Variants in NTRK2 observed in about 807,000 individuals in gnomAD.
The protein encoded by NTRK2 is BDNF/NT-3 growth factors receptor.
Under a neutral mutation model 94.5 loss-of-function variants are expected in NTRK2, and 13 were observed. That is an observed-to-expected ratio of 0.14 (90% confidence interval 0.09 to 0.22). The LOEUF (loss-of-function observed/expected upper bound fraction) is 0.22. Among genes scored for constraint, NTRK2 ranks in the 10% least tolerant of loss-of-function variants. The probability of loss-of-function intolerance (pLI) is 1.00; values close to 1 mark genes in which losing one functional copy is unlikely to be tolerated. For synonymous variants in NTRK2, 372 were observed against 407.4 expected, an observed-to-expected ratio of 0.91 and a Z score of 1.05; for missense variants, 639 against 1,071.2, an observed-to-expected ratio of 0.60 and a Z score of 5.63.
intron 14 of NTRK2, chr9:84,873,648 A>G (rs1288805816): frequency 9.5e-7 from 1 of 1,054,502 alleles, no homozygotes; most frequent in African/African-American, 1.7e-5. Context: ...GCATAATTAC[A>G]TTTAAAATGT....
At chr9:84,942,021 G>T (rs1015685285) in intron 15 of NTRK2, among the ~76,000 whole-genome samples, 2 of 152,120 alleles carry the variant, frequency 1.3e-5, no homozygotes, top group African/African-American at 2.4e-5. Flanking sequence ...TGTATATGAG[G>T]TTGTCACTTG....
rs1267997847 is a variant in NTRK2 at position 85,024,570 on chromosome 9, C to T, written c.*3133C>T. 1.3e-5 allele frequency: 3 copies of T among 232,820 alleles called. No individual in the cohort carries two copies. In the East Asian group the frequency reaches 1.8e-4, roughly 14 times the overall value. The allele number at this position is 232,820 out of a possible 1,614,324, so 14.4% of individuals were successfully genotyped here. A position where few individuals can be genotyped will look rare whatever the true frequency, so the allele number is the denominator to read the frequency against. ...CTTCCAGCACCATTGGGACTGAATC[C>T]AAGTACTCTCACTCTGAACTTCGTG... On this transcript the variant is annotated 3_prime_UTR_variant, in exon 19 of 19. Coordinates refer to ENST00000277120, the MANE Select transcript of NTRK2 (RefSeq NM_006180.6).
intron 14 of NTRK2, among the ~76,000 whole-genome samples, chr9:84,870,026 G>T (rs2075769354): frequency 6.8e-6 from 1 of 147,794 alleles, no homozygotes; most frequent in African/African-American, 2.5e-5. Context: ...GACCTGACAT[G>T]TAGATGAATC....
At chr9:85,001,649 T>C (rs1288165929) in intron 17 of NTRK2, among the ~76,000 whole-genome samples, 1 of 152,226 alleles carries the variant, frequency 6.6e-6, no homozygotes, top group Non-Finnish European at 1.5e-5. Context: ...GAACATTCTA[T>C]CAAAAGACCA....
At chr9:84,775,722 A>T (rs1357374297) in intron 12 of NTRK2, among the ~76,000 whole-genome samples, 1 of 152,170 alleles carries the variant, frequency 6.6e-6, no homozygotes, top group Non-Finnish European at 1.5e-5. Context: ...CAGATATAAG[A>T]GTGACAATAT....
At chr9:84,920,310 T>C (rs542462601) in intron 14 of NTRK2, among the ~76,000 whole-genome samples, 4 of 152,212 alleles carry the variant, frequency 2.6e-5, no homozygotes, top group African/African-American at 9.6e-5. Context: ...GGTCCTCACT[T>C]TCTTTGCAGA....
intron 2 of NTRK2, among the ~76,000 whole-genome samples, chr9:84,672,367 G>GGAGCCAAGAGCGGAGAGCAA (rs2131288352): frequency 6.6e-6 from 1 of 152,308 alleles, no homozygotes; most frequent in South Asian, 2.1e-4. Flanking sequence ...AAGGAGAGCA[G>GGAGCCAAGAGCGGAGAGCAA]GAGCCAAGAG....
chr9:84,781,089 T>G (rs1258064713), intron 12 of NTRK2, among the ~76,000 whole-genome samples: 1 of 152,216 alleles, frequency 6.6e-6, no homozygotes, highest in Non-Finnish European at 1.5e-5. Flanking sequence ...TGTTCCATTG[T>G]CTTTTCTTCC....
chr9:84,836,869 C>T (rs946811165), intron 12 of NTRK2, among the ~76,000 whole-genome samples: 6 of 149,958 alleles, frequency 4.0e-5, no homozygotes, highest in African/African-American at 1.5e-4. Flanking sequence ...GCGAGTGTAA[C>T]TTTGGGTTTT....
chr9:84,740,876 C>A (rs969513349), intron 9 of NTRK2, among the ~76,000 whole-genome samples: 8 of 152,230 alleles, frequency 5.3e-5, no homozygotes, highest in African/African-American at 1.9e-4. Flanking sequence ...TGGCTCATTT[C>A]GCTTTACTTT....
At chr9:84,682,140 T>G (rs2059426943) in intron 2 of NTRK2, among the ~76,000 whole-genome samples, 1 of 152,176 alleles carries the variant, frequency 6.6e-6, no homozygotes, top group Admixed American at 6.5e-5. Flanking sequence ...ATCCCCTGGA[T>G]GGACACTCCT....
intron 12 of NTRK2, among the ~76,000 whole-genome samples, chr9:84,755,073 A>G (rs2064965273): frequency 6.6e-6 from 1 of 152,164 alleles, no homozygotes. Flanking sequence ...TCCTGCAAAC[A>G]TTACTTATGG....
chr9:84,924,909 AGTT>A (rs1212197029), intron 14 of NTRK2, among the ~76,000 whole-genome samples: 2 of 152,178 alleles, frequency 1.3e-5, no homozygotes, highest in African/African-American at 4.8e-5. Flanking sequence ...AGAAATGTAA[AGTT>A]GATTTGCAGC....
chr9:84,888,456 CA>C, intron 14 of NTRK2, among the ~76,000 whole-genome samples: 1 of 150,528 alleles, frequency 6.6e-6, no homozygotes. Context: ...TAAAAATACA[CA>C]AAAAAATTAG....
Position 85,015,955 on chromosome 9 carries a change from T to C in NTRK2, c.2173-4251T>C, listed in dbSNP as rs1294340352. On this transcript the variant is annotated intron_variant, in intron 17 of 18. Coordinates refer to ENST00000277120, the MANE Select transcript of NTRK2 (RefSeq NM_006180.6). Reference sequence around the variant, plus strand: ...ATGTCCAATGGGGAAAGGTTTGGTATGTGGCTTTAGGTAAACTACTTAAAC... The same window carrying C: ...ATGTCCAATGGGGAAAGGTTTGGTACGTGGCTTTAGGTAAACTACTTAAAC... 3.9e-5 allele frequency among the ~76,000 whole-genome samples: 6 copies of C among 152,178 alleles called. No homozygotes were observed. The East Asian group carries it at 1.2e-3, about 29-fold the overall frequency.
At chr9:84,919,214 A>G (rs1315416084) in intron 14 of NTRK2, among the ~76,000 whole-genome samples, 3 of 152,090 alleles carry the variant, frequency 2.0e-5, no homozygotes, top group African/African-American at 7.2e-5. Flanking sequence ...ATCTCACCTT[A>G]GACCCTTTTG....
intron 17 of NTRK2, among the ~76,000 whole-genome samples, chr9:84,957,096 T>C (rs976471414): frequency 2.0e-5 from 3 of 152,160 alleles, no homozygotes; most frequent in African/African-American, 7.2e-5. Context: ...TAATGAAAGT[T>C]CTCCCTTCCT....
At chr9:84,776,447 C>T (rs1341154771) in intron 12 of NTRK2, among the ~76,000 whole-genome samples, 3 of 152,178 alleles carry the variant, frequency 2.0e-5, no homozygotes, top group Non-Finnish European at 4.4e-5. Flanking sequence ...GTGTCGAACT[C>T]CTGACCTCAA....
At chr9:84,962,664 G>A (rs539535889) in intron 17 of NTRK2, among the ~76,000 whole-genome samples, 4 of 152,296 alleles carry the variant, frequency 2.6e-5, no homozygotes, top group African/African-American at 9.6e-5. Flanking sequence ...GATGCCTCAA[G>A]GTCCTAAGAG....
Sources: gnomAD v4.1 joint callset for allele counts (sites outside exome capture counted in the v4.1 genomes callset) on GRCh38, gnomAD v4.1.1 for gene constraint, MANE v1.5 for transcripts, NCBI Gene and HGNC (gene_info 2026-07-23, HGNC 2026-07-21) for gene names.